PDZK1: variants seen among roughly 807,000 people sequenced by gnomAD.
The protein encoded by PDZK1 is PDZ domain containing 1.
Under a neutral mutation model 38.1 loss-of-function variants are expected in PDZK1, and 23 were observed. The ratio of observed to expected loss-of-function variants is 0.60; its 90% confidence interval spans 0.43 to 0.85. The LOEUF (loss-of-function observed/expected upper bound fraction) is 0.85. PDZK1 is among the 40% of genes least tolerant of loss of function. The probability of loss-of-function intolerance (pLI) is 0.00; values close to 1 mark genes in which losing one functional copy is unlikely to be tolerated. For missense variants in PDZK1, 297 were observed against 504.3 expected, an observed-to-expected ratio of 0.59 and a Z score of 3.94; for synonymous variants, 98 against 186.2, an observed-to-expected ratio of 0.53 and a Z score of 3.86.
intron 1 of PDZK1, among the ~76,000 whole-genome samples, chr1:145,691,024 C>T (rs1655198492): frequency 6.6e-6 from 1 of 152,174 alleles, no homozygotes; most frequent in African/African-American, 2.4e-5. Flanking sequence ...TAGTGAAATG[C>T]TACCATACTG....
At chr1:145,696,927 G>A (rs1461905721) in intron 1 of PDZK1, among the ~76,000 whole-genome samples, 2 of 152,136 alleles carry the variant, frequency 1.3e-5, no homozygotes, top group African/African-American at 4.8e-5. Context: ...CGAGGTTTGG[G>A]ACCATCTGCA....
chr1:145,683,727 A>T (rs1654481341), intron 3 of PDZK1, among the ~76,000 whole-genome samples: 1 of 152,182 alleles, frequency 6.6e-6, no homozygotes, highest in South Asian at 2.1e-4. Flanking sequence ...TTAACTTATA[A>T]ATTAGGCACA....
chr1:145,671,443 T>C lies in PDZK1; in HGVS notation c.1553A>G (p.Glu518Gly), dbSNP rs1553697786. Reference sequence around the variant, plus strand: ...AGCTATTACTTGTTTTCATCACATCTCTGTATCTTCAGAATTGGAAGAAGA... The same window carrying C: ...AGCTATTACTTGTTTTCATCACATCCCTGTATCTTCAGAATTGGAAGAAGA... ...SHSSSNSEDT[E>G]M is the part of the protein sequence containing the mutation. The change falls in exon 9 of 9, where the codon GAG becomes GGG. Residue 518 changes from glutamate (E) to glycine (G), a missense_variant. By Grantham distance (98) the Glu-to-Gly change is moderately conservative (BLOSUM62 -2). Transcript: ENST00000417171. The C allele has an allele frequency of 2.5e-6, 4 of 1,570,728 alleles. No homozygotes were observed. Among genetic ancestry groups the C allele is most frequent in the Non-Finnish European group, 3.5e-6 (4 of 1,146,948 alleles).
chr1:145,703,892 G>A (rs1201571518), intron 1 of PDZK1, among the ~76,000 whole-genome samples: 2 of 151,750 alleles, frequency 1.3e-5, no homozygotes, highest in East Asian at 1.9e-4. Flanking sequence ...GCAGTGGTGC[G>A]ATCTCGGCTC....
chr1:145,677,986 GA>G (rs587713222), intron 6 of PDZK1, among the ~76,000 whole-genome samples: 183 of 111,948 alleles, frequency 1.6e-3, no homozygotes, highest in African/African-American at 6.1e-3. Flanking sequence ...GCTGTTAAGA[GA>G]AAATAAAGTT....
chr1:145,672,500 T>C (rs1377189470), intron 8 of PDZK1, among the ~76,000 whole-genome samples: 2 of 151,262 alleles, frequency 1.3e-5, no homozygotes, highest in African/African-American at 4.9e-5. Flanking sequence ...TACTTCTTGA[T>C]TTATTAGCTC....
chr1:145,685,880 A>G (rs1654710752), intron 3 of PDZK1, among the ~76,000 whole-genome samples: 1 of 152,118 alleles, frequency 6.6e-6, no homozygotes, highest in South Asian at 2.1e-4. Flanking sequence ...TCTTAGCCAG[A>G]GCTCAAAGAT....
intron 8 of PDZK1, 147 bp downstream of exon 8, chr1:145,672,583 C>T: frequency 1.0e-6 from 1 of 978,668 alleles, no homozygotes; most frequent in Admixed American, 2.6e-5. Flanking sequence ...CTGTCCTCTA[C>T]AATAACTTGA....
rs1271671828 is a variant in PDZK1 at position 145,681,234 on chromosome 1, G to C, written c.598-127C>G. On this transcript the variant is annotated intron_variant, in intron 4 of 8. Coordinates refer to ENST00000417171, the MANE Select transcript of PDZK1 (RefSeq NM_001201325.2). ...AAAAGATAGGGGATGAAAGGCCTGAGTTTAAGCTGTTACACTATGCCCTAC... is the reference window on the plus strand; with the variant it reads ...AAAAGATAGGGGATGAAAGGCCTGACTTTAAGCTGTTACACTATGCCCTAC... 2 of 418,084 alleles carry C rather than the reference G, an allele frequency of 4.8e-6. 1 individual carries two copies. Among genetic ancestry groups the C allele is most frequent in the African/African-American group, 4.9e-5 (2 of 41,222 alleles). The allele number at this position is 418,084 out of a possible 1,614,324, so 25.9% of individuals were successfully genotyped here.
chr1:145,701,046 A>G (rs1655929071), intron 1 of PDZK1, among the ~76,000 whole-genome samples: 1 of 152,006 alleles, frequency 6.6e-6, no homozygotes, highest in Admixed American at 6.6e-5. Flanking sequence ...CTCTACTAAA[A>G]ATACAAAAAT....
In PDZK1 at chr1:145,671,430, T is replaced by C. The variant is rs587706142; in HGVS notation, c.*6A>G. 37 of 1,574,240 alleles carry C rather than the reference T, an allele frequency of 2.4e-5. No individual in the cohort carries two copies. In the South Asian group the frequency reaches 3.5e-4, roughly 15 times the overall value. The stretch of plus-strand genomic sequence containing the variant: ...AATAAACAGCCAAAGCTATTACTTG[T>C]TTTCATCACATCTCTGTATCTTCAG... On this transcript the variant is annotated 3_prime_UTR_variant, in exon 9 of 9. Transcript: ENST00000417171.
chr1:145,699,293 C>A (rs1655820703), intron 1 of PDZK1, among the ~76,000 whole-genome samples: 1 of 152,016 alleles, frequency 6.6e-6, no homozygotes, highest in African/African-American at 2.4e-5. Context: ...TTGTGCGTGC[C>A]TGTAATCCCA....
chr1:145,698,700 G>C (rs587683682), intron 1 of PDZK1, among the ~76,000 whole-genome samples: 1 of 151,746 alleles, frequency 6.6e-6, no homozygotes, highest in African/African-American at 2.4e-5. Flanking sequence ...AGGCCGAGAC[G>C]GGTGAATTAC....
At chr1:145,705,762 TG>T (rs1170903899) in intron 1 of PDZK1, among the ~76,000 whole-genome samples, 7 of 152,192 alleles carry the variant, frequency 4.6e-5, no homozygotes, top group Admixed American at 1.3e-4. Context: ...CATGGTTTTT[TG>T]TTTTTTAGAC....
Position 145,674,223 on chromosome 1 carries a change from A to G in PDZK1, c.991-342T>C, listed in dbSNP as rs1432246952. On this transcript the variant is annotated intron_variant, in intron 6 of 8. Transcript: ENST00000417171. Reference sequence around the variant, plus strand: ...GAGCAAGTCACTGAACAAGCTATACATAATCTCCCTGTTGGGAAATGACAT... The same window carrying G: ...GAGCAAGTCACTGAACAAGCTATACGTAATCTCCCTGTTGGGAAATGACAT... 12 of 985,208 alleles carry G rather than the reference A, an allele frequency of 1.2e-5. No homozygotes were observed. The African/African-American group carries it at 1.7e-4, about 14-fold the overall frequency. The allele number at this position is 985,208 out of a possible 1,614,324, so 61.0% of individuals were successfully genotyped here.
chr1:145,688,528 A>C lies in PDZK1; in HGVS notation c.-2-505T>G, dbSNP rs1419397218. On this transcript the variant is annotated intron_variant, in intron 1 of 8. Transcript: ENST00000417171. The stretch of plus-strand genomic sequence containing the variant: ...CATGCTGGGGAAGAATGCAGTGATA[A>C]GGGGGAAAATAACAAAGGGTCTTGG... Among the ~76,000 whole-genome samples, 4 of 152,252 alleles carry C rather than the reference A, an allele frequency of 2.6e-5. No homozygotes were observed. In the East Asian group the frequency reaches 7.7e-4, roughly 29 times the overall value.
At chr1:145,686,363 G>T in intron 3 of PDZK1, 114 bp downstream of exon 3, 5 of 1,337,146 alleles carry the variant, frequency 3.7e-6, no homozygotes, top group Non-Finnish European at 5.2e-6. Flanking sequence ...GCTATCTATA[G>T]CAACTGAAAA....
chr1:145,683,116 C>G (rs1262119028), intron 3 of PDZK1, among the ~76,000 whole-genome samples: 1 of 152,174 alleles, frequency 6.6e-6, no homozygotes, highest in Non-Finnish European at 1.5e-5. Flanking sequence ...AAGAAAAACT[C>G]GAAATCCAAT....
At chr1:145,705,668 A>C (rs1041632833) in intron 1 of PDZK1, among the ~76,000 whole-genome samples, 3 of 152,172 alleles carry the variant, frequency 2.0e-5, no homozygotes, top group South Asian at 2.1e-4. Context: ...AGTGACTGCA[A>C]TTTGTTTCTT....
Sources: gnomAD v4.1 joint callset for allele counts (sites outside exome capture counted in the v4.1 genomes callset) on GRCh38, gnomAD v4.1.1 for gene constraint, MANE v1.5 for transcripts, NCBI Gene and HGNC (gene_info 2026-07-23, HGNC 2026-07-21) for gene names.